CNTN5: variants seen among roughly 807,000 people sequenced by gnomAD.
CNTN5 encodes contactin 5, also known as contactin-5.
CNTN5 carries 77 observed loss-of-function variants against 129.1 expected under a neutral mutation model. The ratio of observed to expected loss-of-function variants is 0.60; its 90% CI spans 0.50 to 0.72. CNTN5 has a LOEUF of 0.72. Among genes scored for constraint, CNTN5 ranks in the 30% least tolerant of loss-of-function variants. CNTN5 has a pLI of 0.00. For synonymous variants in CNTN5, 509 were observed against 465.6 expected (o/e 1.09, Z -1.20); for missense variants, 1,478 against 1,328.8 (o/e 1.11, Z -1.75).
chr11:99,640,351 C>CT, intron 3 of CNTN5, among the ~76,000 whole-genome samples: 1 of 152,168 alleles, frequency 6.6e-6, no homozygotes, highest in Non-Finnish European at 1.5e-5. Flanking sequence ...TTCCATATGC[C>CT]TGGCAAGGCC....
chr11:99,059,714 C>T (rs1440113497), intron 1 of CNTN5, among the ~76,000 whole-genome samples: 2 of 152,008 alleles, frequency 1.3e-5, no homozygotes, highest in African/African-American at 4.8e-5. Flanking sequence ...TATTCCTATA[C>T]TGTTTCATCT....
rs150237463 is a variant in CNTN5 at position 100,333,308 on chromosome 11, G to A, written c.2731-7155G>A. On this transcript the variant is annotated intron_variant, in intron 21 of 24. Transcript: ENST00000524871. ...ATTGAAACACATCATGCTCATGGAT[G>A]GGTAGAATCAATATTGTCAAAATGA... is the stretch of plus-strand genomic sequence containing the variant. Among the ~76,000 whole-genome samples the A allele has an allele frequency of 1.8e-3, 268 of 149,612 alleles. 1 individual carries two copies. The highest frequency in any genetic ancestry group is 6.3e-3 in the African/African-American group (257 of 40,580).
chr11:99,413,723 G>T (rs1231823251), intron 2 of CNTN5, among the ~76,000 whole-genome samples: 1 of 152,062 alleles, frequency 6.6e-6, no homozygotes, highest in African/African-American at 2.4e-5. Flanking sequence ...TTTTTTCTCA[G>T]AAGTCTTTGT....
At chr11:99,318,205 G>A (rs1212818922) in intron 1 of CNTN5, among the ~76,000 whole-genome samples, 2 of 152,218 alleles carry the variant, frequency 1.3e-5, no homozygotes, top group Non-Finnish European at 2.9e-5. Flanking sequence ...AAAGCCAAAA[G>A]GACAGAAGAA....
chr11:99,294,616 G>A (rs1864304864), intron 1 of CNTN5, among the ~76,000 whole-genome samples: 1 of 152,130 alleles, frequency 6.6e-6, no homozygotes, highest in South Asian at 2.1e-4. Flanking sequence ...TACAGATCCA[G>A]TGCAATCCCT....
chr11:99,569,537 C>T (rs1949112737), intron 3 of CNTN5, among the ~76,000 whole-genome samples: 1 of 152,108 alleles, frequency 6.6e-6, no homozygotes, highest in Non-Finnish European at 1.5e-5. Context: ...TGGTCTCGAA[C>T]TCCTGACCTT....
chr11:100,351,292 T>C (rs987790353), intron 24 of CNTN5, among the ~76,000 whole-genome samples: 5 of 151,670 alleles, frequency 3.3e-5, no homozygotes, highest in Admixed American at 6.6e-5. Context: ...ACCATATTTA[T>C]TGATTTCTAA....
At chr11:100,068,788 ATGC>A (rs1225912862) in intron 10 of CNTN5, among the ~76,000 whole-genome samples, 1 of 152,172 alleles carries the variant, frequency 6.6e-6, no homozygotes, top group Non-Finnish European at 1.5e-5. Flanking sequence ...AATCCTGACT[ATGC>A]TATGCCAAAG....
intron 3 of CNTN5, among the ~76,000 whole-genome samples, chr11:99,599,824 A>G (rs1416401269): frequency 6.6e-6 from 1 of 152,176 alleles, no homozygotes; most frequent in Non-Finnish European, 1.5e-5. Flanking sequence ...TAAAATCCAT[A>G]TAGGAAAATG....
chr11:100,214,585 C>G (rs952395284), intron 15 of CNTN5, among the ~76,000 whole-genome samples: 1 of 152,202 alleles, frequency 6.6e-6, no homozygotes, highest in Non-Finnish European at 1.5e-5. Context: ...GTCACCTTTT[C>G]TTCAACCATG....
At chr11:99,802,717 T>G (rs1565549161) in intron 3 of CNTN5, among the ~76,000 whole-genome samples, 1 of 152,088 alleles carries the variant, frequency 6.6e-6, no homozygotes, top group Non-Finnish European at 1.5e-5. Context: ...ATAGGTTCTG[T>G]GAATGCCTGG....
At chr11:100,247,175 T>C (rs1416051084) in intron 16 of CNTN5, among the ~76,000 whole-genome samples, 1 of 152,124 alleles carries the variant, frequency 6.6e-6, no homozygotes. Flanking sequence ...AAATAGGTGT[T>C]AAATAGGCAA....
At chr11:99,127,230 T>A (rs921947739) in intron 1 of CNTN5, among the ~76,000 whole-genome samples, 3 of 152,180 alleles carry the variant, frequency 2.0e-5, no homozygotes, top group Admixed American at 2.0e-4. Flanking sequence ...ATCCTTACCA[T>A]TGAAAAAGTA....
At chr11:99,743,110 G>C (rs1943937001) in intron 3 of CNTN5, among the ~76,000 whole-genome samples, 1 of 152,134 alleles carries the variant, frequency 6.6e-6, no homozygotes, top group African/African-American at 2.4e-5. Context: ...TCATTTAACA[G>C]TATGATAAGG....
At chr11:99,223,234 G>T (rs995620895) in intron 1 of CNTN5, among the ~76,000 whole-genome samples, 4 of 152,078 alleles carry the variant, frequency 2.6e-5, no homozygotes, top group Non-Finnish European at 5.9e-5. Flanking sequence ...AAAAAACATG[G>T]ATTCTTCTTC....
intron 3 of CNTN5, among the ~76,000 whole-genome samples, chr11:99,777,278 T>C (rs908561380): frequency 2.0e-5 from 3 of 151,842 alleles, no homozygotes; most frequent in Admixed American, 6.6e-5. Context: ...ATGCTGCCCA[T>C]GGATATTGAA....
intron 2 of CNTN5, among the ~76,000 whole-genome samples, chr11:99,409,362 G>C (rs1425763211): frequency 6.6e-6 from 1 of 152,310 alleles, no homozygotes; most frequent in East Asian, 1.9e-4. Flanking sequence ...CAGCTACTCA[G>C]GAGGATGAGA....
intron 6 of CNTN5, among the ~76,000 whole-genome samples, chr11:99,896,318 G>T (rs1243616289): frequency 6.6e-6 from 1 of 152,170 alleles, no homozygotes; most frequent in Non-Finnish European, 1.5e-5. Flanking sequence ...ATGGCTCTGT[G>T]TTCTGAGTAC....
At chr11:99,817,894 C>T (rs1393856389) in intron 3 of CNTN5, among the ~76,000 whole-genome samples, 1 of 152,082 alleles carries the variant, frequency 6.6e-6, no homozygotes, top group African/African-American at 2.4e-5. Context: ...TTGTGGTTGA[C>T]CAGCAAAGAG....
Sources: gnomAD v4.1 joint callset for allele counts (sites outside exome capture counted in the v4.1 genomes callset) on GRCh38, gnomAD v4.1.1 for gene constraint, MANE v1.5 for transcripts, NCBI Gene and HGNC (gene_info 2026-07-23, HGNC 2026-07-21) for gene names.